Variants in CIAO3 observed in about 807,000 individuals in gnomAD.
The protein encoded by CIAO3 is cytosolic iron-sulfur assembly component 3.
Under a neutral mutation model 51.5 loss-of-function variants are expected in CIAO3, and 45 were observed. The ratio of observed to expected loss-of-function variants is 0.87; its 90% confidence interval spans 0.69 to 1.12. CIAO3 has a LOEUF of 1.12. Among genes scored for constraint, CIAO3 ranks in the 50% most tolerant of loss-of-function variants. The pLI is 0.00. For synonymous variants in CIAO3, 314 were observed against 269.3 expected, an observed-to-expected ratio of 1.17 and a Z score of -1.63; for missense variants, 668 against 632.5, an observed-to-expected ratio of 1.06 and a Z score of -0.60.
Position 737,116 on chromosome 16 carries a change from CA to C in CIAO3, c.306+69del. 1.3e-6 allele frequency: 2 copies of C among 1,599,548 alleles called. No individual in the cohort carries two copies. The highest frequency in any genetic ancestry group is 1.3e-5 in the African/African-American group (1 of 74,820). Reference sequence around the variant, plus strand: ...TCGGCACCACACGAGCTGCCCTTGGCAAAACGCGTTGTCGGCTGCTGGGATG... The same window carrying C: ...TCGGCACCACACGAGCTGCCCTTGGCAAACGCGTTGTCGGCTGCTGGGATG... On this transcript the variant is annotated intron_variant, in intron 3 of 10. Coordinates refer to ENST00000251588, the MANE Select transcript of CIAO3 (RefSeq NM_022493.3). This position sits in a 1 kb window ranked among gnomAD's most constrained non-coding sequence, Gnocchi z 5.3.
At chr16:736,656 G>A (rs898389575) in intron 3 of CIAO3, among the ~76,000 whole-genome samples, 3 of 151,924 alleles carry the variant, frequency 2.0e-5, no homozygotes, top group South Asian at 2.1e-4. Context: ...GTGAACCACC[G>A]TGCCTGGCCA....
At position 737,414 on chromosome 16, in the gene CIAO3, C is replaced by T. The variant is rs1375909800; in HGVS notation, c.163-85G>A. On this transcript the variant is annotated intron_variant, in intron 2 of 10. Coordinates refer to ENST00000251588, the MANE Select transcript of CIAO3 (RefSeq NM_022493.3). The surrounding 1 kb of genome is among the most constrained non-coding windows in gnomAD (Gnocchi z 5.3). ...AGGATAGTGGAGTCCAGCTCATAAC[C>T]GACAACCAACATGGCTGCTGGCTGG... 8 of 1,592,750 alleles carry T rather than the reference C, an allele frequency of 5.0e-6. No individual in the cohort carries two copies. Among genetic ancestry groups the T allele is most frequent in the Admixed American group, 1.7e-5 (1 of 58,736 alleles).
intron 3 of CIAO3, chr16:736,950 C>T (rs988716577): frequency 3.7e-6 from 2 of 545,738 alleles, no homozygotes; most frequent in East Asian, 6.6e-5. Context: ...AGGCGTGAGC[C>T]CCCGCGCCCA....
intron 3 of CIAO3, among the ~76,000 whole-genome samples, chr16:736,766 C>T (rs2041343316): frequency 2.0e-5 from 3 of 152,072 alleles, no homozygotes; most frequent in Non-Finnish European, 4.4e-5. Context: ...TGGGTTCAAG[C>T]GATTCTCCTG....
At chr16:734,549 C>A in intron 5 of CIAO3, 188 bp downstream of exon 5, 1 of 1,098,458 alleles carries the variant, frequency 9.1e-7, no homozygotes, top group South Asian at 1.3e-5. Context: ...GGTGACTGCG[C>A]GTGGCTCCCA....
rs2041251399 is a variant in CIAO3, at chr16:729,912, C to T, written c.*505G>A. 2.8e-6 allele frequency: 1 copy of T among 360,844 alleles called. No homozygotes were observed. The highest frequency in any genetic ancestry group is 2.4e-5 in the South Asian group (1 of 42,156). 22.4% of individuals were successfully genotyped at this position (360,844 alleles called of 1,614,324 possible). ...CCTCGTAACGGTAACCCCTGCTTTCCAGGGGCCTGGCACCCCCCCCTGCCA... is the reference window on the plus strand; with the variant it reads ...CCTCGTAACGGTAACCCCTGCTTTCTAGGGGCCTGGCACCCCCCCCTGCCA... On this transcript the variant is annotated 3_prime_UTR_variant, in exon 11 of 11. Transcript: ENST00000251588.
At position 731,126 on chromosome 16, in the gene CIAO3, G is replaced by A. The variant is rs900978751; in HGVS notation, c.1035-126C>T. On this transcript the variant is annotated intron_variant, in intron 9 of 10. Coordinates refer to ENST00000251588, the MANE Select transcript of CIAO3 (RefSeq NM_022493.3). ...TCCCAGGGCTCTCTCCCTCTCTCCTGGGCAGAGGGAAGGACAAGAACGGAG... is the reference window on the plus strand; with the variant it reads ...TCCCAGGGCTCTCTCCCTCTCTCCTAGGCAGAGGGAAGGACAAGAACGGAG... 5 of 1,251,352 alleles carry A rather than the reference G, an allele frequency of 4.0e-6. No individual in the cohort carries two copies. The African/African-American group carries it at 7.5e-5, about 19-fold the overall frequency. The allele number at this position is 1,251,352 out of a possible 1,614,324, so 77.5% of individuals were successfully genotyped here.
rs576797572 is a variant in CIAO3 at position 735,067 on chromosome 16, A to G, written c.440-196T>C. 8 of 678,208 alleles carry G rather than the reference A, an allele frequency of 1.2e-5. No individual in the cohort carries two copies. In the East Asian group the frequency reaches 2.1e-4, roughly 18 times the overall value. 42.0% of individuals were successfully genotyped at this position (678,208 alleles called of 1,614,324 possible). A position where few individuals can be genotyped will look rare whatever the true frequency, so the allele number is the denominator to read the frequency against. Reference sequence around the variant, plus strand: ...CCCAGCCCCACTGTGGGGACCTCCTAAAGCCACGTTGCCTCGGCATCCCCT... The same window carrying G: ...CCCAGCCCCACTGTGGGGACCTCCTGAAGCCACGTTGCCTCGGCATCCCCT... On this transcript the variant is annotated intron_variant, in intron 4 of 10. Coordinates refer to ENST00000251588, the MANE Select transcript of CIAO3 (RefSeq NM_022493.3).
At chr16:739,832 C>T in intron 1 of CIAO3, 94 bp from the exon 2 acceptor site, 8 of 1,369,826 alleles carry the variant, frequency 5.8e-6, no homozygotes, top group Non-Finnish European at 8.2e-6. Flanking sequence ...GCCGCACAGC[C>T]TGAAGGCTCT....
chr16:740,779 A>T (rs1010757321), intron 1 of CIAO3, 141 bp downstream of exon 1: 3 of 817,260 alleles, frequency 3.7e-6, no homozygotes, highest in African/African-American at 3.6e-5. Flanking sequence ...GCCCGGGTCG[A>T]TAGAGTCCCT....
intron 4 of CIAO3, chr16:735,223 G>T (rs1210161486): frequency 8.0e-6 from 2 of 251,136 alleles, no homozygotes; most frequent in South Asian, 8.0e-5. Context: ...CCTCCCTAGG[G>T]CACAGCTGGA....
rs377040587 is a variant in CIAO3 at position 737,059 on chromosome 16, C to T, written c.306+127G>A. The T allele has an allele frequency of 7.9e-7, 1 of 1,262,478 alleles. No homozygotes were observed. The allele number at this position is 1,262,478 out of a possible 1,614,324, so 78.2% of individuals were successfully genotyped here. ...GACAAATCACCAAGATTCCAAGCCT[C>T]AAAAAGGCAGGCGCCACCCGCACGA... is the stretch of plus-strand genomic sequence containing the variant. On this transcript the variant is annotated intron_variant, in intron 3 of 10. Transcript: ENST00000251588. This position sits in a 1 kb window ranked among gnomAD's most constrained non-coding sequence, Gnocchi z 5.3.
intron 4 of CIAO3, 21 bp downstream of exon 4, chr16:736,245 T>C (rs1054904544): frequency 1.9e-6 from 3 of 1,612,020 alleles, no homozygotes; most frequent in East Asian, 2.2e-5. Flanking sequence ...GCGGCAGTGT[T>C]ACCCCAGGTT....
Position 730,654 on chromosome 16 carries a change from G to T in CIAO3, c.1194C>A (p.Gly398=). The T allele has an allele frequency of 6.2e-7, 1 of 1,608,046 alleles. No homozygotes were observed. The part of the protein sequence containing the change: ...HYVEVMACPS[G]CLNGGGQLQA... ...GGAGCTGGCCCCCGCCGTTCAGGCAGCCTATGGGAGAGCAGACGGGACAGG... is the reference window on the plus strand; with the variant it reads ...GGAGCTGGCCCCCGCCGTTCAGGCATCCTATGGGAGAGCAGACGGGACAGG... The change falls in exon 11 of 11, where the codon GGC becomes GGA. Residue 398 remains glycine (G), a splice_region_variant and synonymous_variant. Transcript: ENST00000251588.
chr16:733,005 G>A (rs955968977), intron 7 of CIAO3: 5 of 404,472 alleles, frequency 1.2e-5, no homozygotes, highest in South Asian at 9.8e-5. Flanking sequence ...GGTGACTCAT[G>A]GGAGCTGAAG....
Position 740,981 on chromosome 16 carries a change from G to C in CIAO3, c.5C>G (p.Ala2Gly). Reference protein sequence around the residue: MASPFSGALQLT... With the variant: MGSPFSGALQLT... ...CTGCAGCGCCCCGCTGAAGGGCGAC[G>C]CCATGACGGCCGCACTGCCGCCGCG... The change falls in exon 1 of 11, where the codon GCG becomes GGG. Residue 2 changes from alanine (A) to glycine (G), a missense_variant. Coordinates refer to ENST00000251588, the MANE Select transcript of CIAO3 (RefSeq NM_022493.3). The C allele has an allele frequency of 1.3e-6, 2 of 1,507,734 alleles. No homozygotes were observed. Among genetic ancestry groups the C allele is most frequent in the Non-Finnish European group, 1.8e-6 (2 of 1,131,222 alleles). The allele number at this position is 1,507,734 out of a possible 1,614,324, so 93.4% of individuals were successfully genotyped here. A position where few individuals can be genotyped will look rare whatever the true frequency, so the allele number is the denominator to read the frequency against.
rs772766797 is a variant in CIAO3 at position 732,405 on chromosome 16, A to G, written c.824-32T>C. 2.5e-6 allele frequency: 4 copies of G among 1,610,410 alleles called. 1 individual carries two copies. The highest frequency in any genetic ancestry group is 3.3e-5 in the Admixed American group (2 of 60,000). On this transcript the variant is annotated intron_variant, in intron 7 of 10. Transcript: ENST00000251588. The stretch of plus-strand genomic sequence containing the variant: ...AGAAGCCACAGCGCAGACACTCTTT[A>G]GCGGAGATCCCAGCAACAAAGTCAG...
chr16:736,400 T>C lies in CIAO3; in HGVS notation c.307-2A>G. 2 of 1,612,716 alleles carry C rather than the reference T, an allele frequency of 1.2e-6. No homozygotes were observed. The highest frequency in any genetic ancestry group is 1.7e-6 in the Non-Finnish European group (2 of 1,179,792). ...CCTCTGCTGACTGGGTGCCGCCATC[T>C]GCAAAGCAAGGGGAAGACGCTGCTT... On this transcript the variant is annotated splice_acceptor_variant, in intron 3 of 10. Transcript: ENST00000251588. LOFTEE classifies it high-confidence loss of function.
intron 2 of CIAO3, chr16:738,033 C>G: frequency 9.0e-7 from 1 of 1,110,692 alleles, no homozygotes; most frequent in Non-Finnish European, 1.1e-6. Context: ...GTGGGAACCC[C>G]TCGCAGCCCA....
Sources: gnomAD v4.1 joint callset for allele counts (sites outside exome capture counted in the v4.1 genomes callset) on GRCh38, gnomAD v4.1.1 for gene constraint, Gnocchi (gnomAD v3.1) non-coding constraint, MANE v1.5 for transcripts, NCBI Gene and HGNC (gene_info 2026-07-23, HGNC 2026-07-21) for gene names.